Variants in RPF1 observed in about 807,000 individuals in gnomAD.
RPF1 encodes ribosome production factor 1 homolog, also known as ribosome production factor 1.
In RPF1, 34 loss-of-function variants were observed where a neutral mutation model predicts 41.9. That is an observed-to-expected ratio of 0.81 (90% CI 0.62 to 1.08). RPF1 has a LOEUF of 1.08. Ranked by LOEUF, RPF1 falls within the 50% of genes least tolerant of loss-of-function variation. RPF1 has a pLI of 0.00. For synonymous variants in RPF1, 140 were observed against 148.9 expected (o/e 0.94, Z 0.43); for missense variants, 425 against 435.2 (o/e 0.98, Z 0.21).
At position 84,483,013 on chromosome 1, in the gene RPF1, A is replaced by T; in HGVS notation, c.366+18A>T. ...ATGAAGAGGTAATGTTAGAAGTCTT[A>T]AATTAGTTTGAATGATCACATATAA... On this transcript the variant is annotated intron_variant, in intron 3 of 8. Transcript: ENST00000370654. 1 of 1,435,132 alleles carries T rather than the reference A, an allele frequency of 7.0e-7. No homozygotes were observed. Among genetic ancestry groups the T allele is most frequent in the Non-Finnish European group, 9.8e-7 (1 of 1,017,102 alleles). The allele number at this position is 1,435,132 out of a possible 1,614,324, so 88.9% of individuals were successfully genotyped here.
chr1:84,494,182 A>C (rs1242357444), intron 5 of RPF1, among the ~76,000 whole-genome samples: 1 of 152,236 alleles, frequency 6.6e-6, no homozygotes, highest in Non-Finnish European at 1.5e-5. Context: ...CAGACCAACC[A>C]CAATACTACC....
intron 3 of RPF1, among the ~76,000 whole-genome samples, chr1:84,483,531 TGC>T (rs1240770766): frequency 2.6e-5 from 4 of 152,182 alleles, no homozygotes; most frequent in Admixed American, 6.5e-5. Flanking sequence ...CCTCCAAAAG[TGC>T]TGGGATTACA....
chr1:84,495,809 C>A, intron 6 of RPF1, 73 bp from the exon 7 acceptor site: 1 of 980,562 alleles, frequency 1.0e-6, no homozygotes, highest in Non-Finnish European at 1.5e-6. Flanking sequence ...AATTTTGATA[C>A]TTGAAATTGC....
chr1:84,488,219 C>T (rs867838589), intron 3 of RPF1, among the ~76,000 whole-genome samples: 118 of 152,048 alleles, frequency 7.8e-4, no homozygotes, highest in African/African-American at 2.7e-3. Flanking sequence ...TTTGGGGATA[C>T]GTATGTATGT....
intron 5 of RPF1, among the ~76,000 whole-genome samples, chr1:84,490,989 T>TG (rs1278712304): frequency 2.0e-5 from 3 of 152,136 alleles, no homozygotes; most frequent in African/African-American, 7.2e-5. Flanking sequence ...CTGACCTAGT[T>TG]GGGGATCTGC....
chr1:84,479,267 A>G lies in RPF1; in HGVS notation c.-15A>G. ...GCTATTTCCGTTTCCGTACGGAAGC[A>G]AAGGAGCCAAGACCATGGCGAAAGC... On this transcript the variant is annotated 5_prime_UTR_variant, in exon 1 of 9. Transcript: ENST00000370654. 1.3e-6 allele frequency: 2 copies of G among 1,563,564 alleles called. No individual in the cohort carries two copies. Among genetic ancestry groups the G allele is most frequent in the Non-Finnish European group, 1.7e-6 (2 of 1,158,016 alleles).
chr1:84,496,850 TA>T (rs991534225), intron 8 of RPF1, among the ~76,000 whole-genome samples: 5 of 152,180 alleles, frequency 3.3e-5, no homozygotes, highest in Non-Finnish European at 5.9e-5. Context: ...TCTTAAATCA[TA>T]AATGAAAACT....
At chr1:84,492,238 T>C (rs1009624000) in intron 5 of RPF1, among the ~76,000 whole-genome samples, 3 of 151,790 alleles carry the variant, frequency 2.0e-5, no homozygotes, top group African/African-American at 4.8e-5. Context: ...TGGTGACACA[T>C]GGGGGGAAAG....
At position 84,479,305 on chromosome 1, in the gene RPF1, C is replaced by G; in HGVS notation, c.24C>G (p.Ser8Arg). Reference sequence around the variant, plus strand: ...CCATGGCGAAAGCCGGGGATAAGAGCAGCAGCAGCGGGAAGAAAAGTCTAA... The same window carrying G: ...CCATGGCGAAAGCCGGGGATAAGAGGAGCAGCAGCGGGAAGAAAAGTCTAA... Reference protein sequence around the residue: MAKAGDKSSSSGKKSLKR... With the variant: MAKAGDKRSSSGKKSLKR... The change falls in exon 1 of 9, where the codon AGC becomes AGG. Residue 8 changes from serine to arginine, a missense_variant. By Grantham distance (110) the Ser-to-Arg change is moderately radical. Coordinates refer to ENST00000370654, the MANE Select transcript of RPF1 (RefSeq NM_025065.7). The G allele has an allele frequency of 6.2e-7, 1 of 1,606,806 alleles. No individual in the cohort carries two copies. Among genetic ancestry groups the G allele is most frequent in the East Asian group, 2.2e-5 (1 of 44,750 alleles).
chr1:84,492,238 T>TAG (rs201109839), intron 5 of RPF1, among the ~76,000 whole-genome samples: 1,788 of 151,890 alleles, frequency 0.012, 48 homozygotes, highest in African/African-American at 0.041. Flanking sequence ...TGGTGACACA[T>TAG]GGGGGGAAAG....
At chr1:84,482,763 ATTG>A in intron 2 of RPF1, 149 bp from the exon 3 acceptor site, 1 of 543,798 alleles carries the variant, frequency 1.8e-6, no homozygotes, top group Non-Finnish European at 3.3e-6. Context: ...CTTATTCAAT[ATTG>A]TTATTAGAAT....
Position 84,497,380 on chromosome 1 carries a change from A to G in RPF1, c.1009-49A>G, listed in dbSNP as rs1448495801. 3.4e-6 allele frequency: 5 copies of G among 1,480,912 alleles called. No homozygotes were observed. The Admixed American group carries it at 7.0e-5, about 21-fold the overall frequency. 91.7% of individuals were successfully genotyped at this position (1,480,912 alleles called of 1,614,324 possible). On this transcript the variant is annotated intron_variant, in intron 8 of 8. Transcript: ENST00000370654. The stretch of plus-strand genomic sequence containing the variant: ...TACTGTCTTACCTGAATTGTTAATT[A>G]TATTTTTGTTTTGTTTTCTTCCTCC...
intron 5 of RPF1, among the ~76,000 whole-genome samples, chr1:84,493,670 T>C (rs1200628825): frequency 6.6e-6 from 1 of 152,036 alleles, no homozygotes; most frequent in African/African-American, 2.4e-5. Flanking sequence ...TTTTCCTAAC[T>C]CAAAAAGTGA....
intron 1 of RPF1, among the ~76,000 whole-genome samples, chr1:84,479,947 T>TA (rs1337113992): frequency 3.3e-5 from 5 of 152,204 alleles, no homozygotes; most frequent in Non-Finnish European, 7.3e-5. Flanking sequence ...TTACCGAAAT[T>TA]AGTACTGTAA....
At chr1:84,486,587 C>CAAAA (rs896267195) in intron 3 of RPF1, among the ~76,000 whole-genome samples, 2,075 of 64,346 alleles carry the variant, frequency 0.032, 92 homozygotes, top group African/African-American at 0.076. Flanking sequence ...GACTCCGTCT[C>CAAAA]AAAAAAAAAA....
At position 84,495,926 on chromosome 1, in the gene RPF1, G is replaced by C; in HGVS notation, c.744G>C (p.Leu248=). The C allele has an allele frequency of 6.2e-7, 1 of 1,610,902 alleles. No homozygotes were observed. The part of the protein sequence containing the change: ...DPTEHIPEII[L]NNFTTRLGHS... ...CAGAACACATACCTGAAATAATTCT[G>C]AATAATTTTACAACACGGCTGGGTC... The change falls in exon 7 of 9, where the codon CTG becomes CTC. Residue 248 remains leucine, a synonymous_variant. Coordinates refer to ENST00000370654, the MANE Select transcript of RPF1 (RefSeq NM_025065.7).
At chr1:84,480,016 A>T (rs1255863032) in intron 1 of RPF1, among the ~76,000 whole-genome samples, 1 of 152,234 alleles carries the variant, frequency 6.6e-6, no homozygotes, top group East Asian at 1.9e-4. Flanking sequence ...TCTGGTAGGT[A>T]AACAAACTGA....
chr1:84,488,305 A>G (rs561402797), intron 3 of RPF1, among the ~76,000 whole-genome samples: 2 of 152,268 alleles, frequency 1.3e-5, no homozygotes, highest in East Asian at 3.9e-4. Context: ...TCTTCATGGA[A>G]GTTGACACAT....
intron 3 of RPF1, among the ~76,000 whole-genome samples, chr1:84,487,994 C>A (rs1558541801): frequency 1.3e-5 from 2 of 151,972 alleles, no homozygotes; most frequent in Non-Finnish European, 2.9e-5. Context: ...TATCAAATAT[C>A]TATATATGCT....
Sources: allele counts gnomAD v4.1 joint callset (sites outside exome capture counted in the v4.1 genomes callset), GRCh38; gene constraint gnomAD v4.1.1; transcripts MANE v1.5; gene names NCBI Gene and HGNC (gene_info 2026-07-23, HGNC 2026-07-21).